Variants in ERGIC1 observed in about 807,000 individuals in gnomAD.
The protein encoded by ERGIC1 is endoplasmic reticulum-golgi intermediate compartment 1, also known as endoplasmic reticulum-Golgi intermediate compartment protein 1.
A neutral mutation model predicts 38.3 loss-of-function variants in ERGIC1; 19 were observed. The observed-to-expected ratio is 0.50, with a 90% CI of 0.35 to 0.73. The LOEUF (loss-of-function observed/expected upper bound fraction) is 0.73, where lower values mean the gene tolerates loss of function less well. Ranked by LOEUF, ERGIC1 falls within the 30% of genes least tolerant of loss-of-function variation. ERGIC1 has a pLI of 0.01. For missense variants in ERGIC1, 294 were observed against 389.2 expected (o/e 0.76, Z 2.06); for synonymous variants, 124 against 157.6 (o/e 0.79, Z 1.60).
chr5:172,940,419 C>T (rs1157773566), intron 9 of ERGIC1, among the ~76,000 whole-genome samples: 3 of 152,138 alleles, frequency 2.0e-5, no homozygotes, highest in East Asian at 3.8e-4. Flanking sequence ...CAAAGTGCTC[C>T]CCTCCCACAC....
At chr5:172,929,602 G>C (rs1763730191) in intron 7 of ERGIC1, among the ~76,000 whole-genome samples, 1 of 152,164 alleles carries the variant, frequency 6.6e-6, no homozygotes, top group Non-Finnish European at 1.5e-5. Context: ...ATAATTAAGA[G>C]AGTGTACAAA....
intron 5 of ERGIC1, chr5:172,915,039 G>A (rs749178033): frequency 1.2e-6 from 1 of 802,836 alleles, no homozygotes; most frequent in South Asian, 1.4e-5. Flanking sequence ...TTAAGCCCCT[G>A]ATGGCTGGTT....
chr5:172,893,905 A>ATATATATATATG (rs1173039695), intron 2 of ERGIC1, among the ~76,000 whole-genome samples: 5 of 15,542 alleles, frequency 3.2e-4, no homozygotes, highest in African/African-American at 2.2e-4. Context: ...ATATATATAT[A>ATATATATATATG]TGTGTGTGTG....
intron 7 of ERGIC1, among the ~76,000 whole-genome samples, chr5:172,928,465 A>G (rs1175653607): frequency 2.6e-5 from 4 of 152,206 alleles, no homozygotes; most frequent in Non-Finnish European, 5.9e-5. Context: ...ACCGTCTCCA[A>G]GAAGCCCTCA....
chr5:172,855,884 C>T (rs1192538670), intron 1 of ERGIC1, among the ~76,000 whole-genome samples: 1 of 152,180 alleles, frequency 6.6e-6, no homozygotes. Flanking sequence ...TGCAGCCCGG[C>T]GGGGGCCAGG....
At chr5:172,893,933 G>A (rs867482341) in intron 2 of ERGIC1, among the ~76,000 whole-genome samples, 2,478 of 50,840 alleles carry the variant, frequency 0.049, 213 homozygotes, top group East Asian at 0.081. Flanking sequence ...GTGTGTGTGT[G>A]TGTATATATA....
At chr5:172,866,978 G>A (rs2113136565) in intron 1 of ERGIC1, 1 of 347,970 alleles carries the variant, frequency 2.9e-6, no homozygotes, top group South Asian at 2.1e-5. Context: ...CATGAATGTG[G>A]AAATGAAAGG....
At chr5:172,849,885 A>G (rs1455448966) in intron 1 of ERGIC1, among the ~76,000 whole-genome samples, 1 of 152,196 alleles carries the variant, frequency 6.6e-6, no homozygotes, top group East Asian at 1.9e-4. Context: ...AGAAGTAAAA[A>G]CATTCACTCA....
intron 1 of ERGIC1, among the ~76,000 whole-genome samples, chr5:172,878,900 G>T (rs911710839): frequency 6.6e-6 from 1 of 152,124 alleles, no homozygotes; most frequent in African/African-American, 2.4e-5. Context: ...TGAGTTTTTC[G>T]CCTCACTCCC....
At chr5:172,941,210 A>C (rs1274493156) in intron 9 of ERGIC1, among the ~76,000 whole-genome samples, 1 of 152,000 alleles carries the variant, frequency 6.6e-6, no homozygotes, top group Non-Finnish European at 1.5e-5. Flanking sequence ...TCTTGGCAGT[A>C]AGCCAAGATC....
At position 172,846,863 on chromosome 5, in the gene ERGIC1, T is replaced by A. The variant is rs1401292833; in HGVS notation, c.20+12430T>A. Among the ~76,000 whole-genome samples, 1 of 152,134 alleles carries A rather than the reference T, an allele frequency of 6.6e-6. No homozygotes were observed. The highest frequency in any genetic ancestry group is 6.5e-5 in the Admixed American group (1 of 15,270). ...AAAGCCCTTAGAACTGTGCCTGGCA[T>A]CTGTTAGGTGCTTGATATCTATTCG... is the stretch of plus-strand genomic sequence containing the variant. On this transcript the variant is annotated intron_variant, in intron 1 of 9. Coordinates refer to ENST00000393784, the MANE Select transcript of ERGIC1 (RefSeq NM_001031711.3). The surrounding 1 kb of genome is among the most constrained non-coding windows in gnomAD (Gnocchi z 4.0).
chr5:172,935,288 C>A lies in ERGIC1; in HGVS notation c.743C>A (p.Pro248Gln). The change falls in exon 9 of 10, where the codon CCG (proline) becomes CAG (glutamine). Residue 248 changes from proline to glutamine, a missense_variant. Pro to Gln is a moderately conservative substitution (Grantham distance 76, BLOSUM62 -1). This residue lies in a region of ERGIC1 where 109 missense variants were observed against 112.7 expected (regional missense o/e 0.97). Transcript: ENST00000393784. Reference sequence around the variant, plus strand: ...GTCAAGTACACAGAGAGACGGCAGCCGCTGTACAGATTCATCACCACGGTG... The same window carrying A: ...GTCAAGTACACAGAGAGACGGCAGCAGCTGTACAGATTCATCACCACGGTG... ...ITVKYTERRQPLYRFITTICA... is the reference protein window; with the variant it reads ...ITVKYTERRQQLYRFITTICA... 6.2e-7 allele frequency: 1 copy of A among 1,614,134 alleles called. No homozygotes were observed. The highest frequency in any genetic ancestry group is 8.5e-7 in the Non-Finnish European group (1 of 1,180,026).
intron 3 of ERGIC1, chr5:172,898,558 C>T (rs901714883): frequency 3.9e-5 from 6 of 152,272 alleles, no homozygotes; most frequent in Admixed American, 6.5e-5. Flanking sequence ...GGCGCCAAAG[C>T]CCAGGGGACC....
intron 5 of ERGIC1, chr5:172,920,611 A>C (rs371017550): frequency 3.3e-5 from 20 of 599,604 alleles, no homozygotes; most frequent in East Asian, 2.8e-4. Context: ...ATGTGCTGGC[A>C]TGAGTCAGCC....
intron 9 of ERGIC1, among the ~76,000 whole-genome samples, chr5:172,940,438 G>A (rs1763985299): frequency 6.6e-6 from 1 of 152,144 alleles, no homozygotes; most frequent in Non-Finnish European, 1.5e-5. Context: ...ACACACATTT[G>A]TCCTGTGCCA....
At chr5:172,857,709 C>T (rs781219542) in intron 1 of ERGIC1, among the ~76,000 whole-genome samples, 4 of 151,876 alleles carry the variant, frequency 2.6e-5, no homozygotes, top group Non-Finnish European at 2.9e-5. Context: ...TCACGTGGCC[C>T]CAGGACCCCA....
chr5:172,932,320 T>G, intron 7 of ERGIC1, 116 bp from the exon 8 acceptor site: 3 of 966,332 alleles, frequency 3.1e-6, no homozygotes, highest in Non-Finnish European at 4.7e-6. Context: ...GTGGTAAAAC[T>G]GGGGAATGAG....
chr5:172,845,170 C>A (rs748897317), intron 1 of ERGIC1, among the ~76,000 whole-genome samples: 1 of 152,100 alleles, frequency 6.6e-6, no homozygotes, highest in Non-Finnish European at 1.5e-5. Context: ...AGTGTTGTTA[C>A]CCTGATTTTC....
At chr5:172,868,921 G>C (rs113607621) in intron 1 of ERGIC1, among the ~76,000 whole-genome samples, 2 of 152,248 alleles carry the variant, frequency 1.3e-5, no homozygotes, top group African/African-American at 2.4e-5. Context: ...GATGCACTTG[G>C]TGCTTGAGCC....
Sources: gnomAD v4.1 joint callset for allele counts (sites outside exome capture counted in the v4.1 genomes callset) on GRCh38, gnomAD v4.1.1 for gene constraint, gnomAD v4.1.1 regional missense constraint, Gnocchi (gnomAD v3.1) non-coding constraint, MANE v1.5 for transcripts, NCBI Gene and HGNC (gene_info 2026-07-23, HGNC 2026-07-21) for gene names.